The following FYN variants were observed in gnomAD, a reference collection of about 807,000 sequenced individuals.
The protein encoded by FYN is tyrosine-protein kinase Fyn.
FYN carries 10 observed loss-of-function variants against 70.2 expected under a neutral mutation model. That is an observed-to-expected ratio of 0.14 (90% CI 0.09 to 0.24). The LOEUF (loss-of-function observed/expected upper bound fraction) is 0.24, where lower values mean the gene tolerates loss of function less well. Ranked by LOEUF, FYN falls within the 10% of genes least tolerant of loss-of-function variation. The pLI is 1.00. For synonymous variants in FYN, 236 were observed against 248.6 expected (o/e 0.95, Z 0.48); for missense variants, 319 against 673.1 (o/e 0.47, Z 5.82).
chr6:111,708,044 A>G (rs868829419), intron 5 of FYN, 24 bp from the exon 6 acceptor site: 4 of 1,553,334 alleles, frequency 2.6e-6, no homozygotes, highest in Middle Eastern at 3.4e-4. Context: ...AGAAAAGTAA[A>G]TATGTTGACC....
chr6:111,757,397 CTCTAT>C (rs1389353472), intron 3 of FYN, among the ~76,000 whole-genome samples: 2 of 152,176 alleles, frequency 1.3e-5, no homozygotes, highest in Non-Finnish European at 2.9e-5. Flanking sequence ...CAGGATTCCT[CTCTAT>C]TCTATTCCCA....
At chr6:111,738,078 A>G (rs1164023028) in intron 3 of FYN, among the ~76,000 whole-genome samples, 1 of 152,204 alleles carries the variant, frequency 6.6e-6, no homozygotes, top group East Asian at 1.9e-4. Flanking sequence ...ATTCCAACAT[A>G]AAGTGATGCT....
intron 2 of FYN, among the ~76,000 whole-genome samples, chr6:111,818,251 A>G (rs1490771137): frequency 1.3e-5 from 2 of 152,160 alleles, no homozygotes; most frequent in Admixed American, 1.3e-4. Context: ...GAGAAAACAT[A>G]CACATCTACC....
At position 111,694,250 on chromosome 6, in the gene FYN, C is replaced by A; in HGVS notation, c.1273+125G>T. ...TCCTGCCAGATCAAGGTGTCCAAAC[C>A]AAGCTGAAGAATGACATTTCAAGTA... On this transcript the variant is annotated intron_variant, in intron 12 of 13. Transcript: ENST00000354650. The surrounding 1 kb of genome is among the most constrained non-coding windows in gnomAD (Gnocchi z 5.0). 2.3e-6 allele frequency: 3 copies of A among 1,299,600 alleles called. No homozygotes were observed. The highest frequency in any genetic ancestry group is 3.2e-6 in the Non-Finnish European group (3 of 929,984). 80.5% of individuals were successfully genotyped at this position (1,299,600 alleles called of 1,614,324 possible).
At chr6:111,707,583 C>G (rs907133240) in intron 6 of FYN, among the ~76,000 whole-genome samples, 2 of 152,204 alleles carry the variant, frequency 1.3e-5, no homozygotes, top group Admixed American at 1.3e-4. Context: ...AGGGAGTGGA[C>G]TGCGGGCTTA....
intron 13 of FYN, among the ~76,000 whole-genome samples, chr6:111,669,012 A>G (rs983319279): frequency 6.6e-6 from 1 of 152,144 alleles, no homozygotes; most frequent in Non-Finnish European, 1.5e-5. Context: ...TTTAAGGAAA[A>G]AGCCACCAGT....
At chr6:111,821,433 G>T (rs1456441242) in intron 2 of FYN, among the ~76,000 whole-genome samples, 1 of 152,182 alleles carries the variant, frequency 6.6e-6, no homozygotes, top group Non-Finnish European at 1.5e-5. Context: ...CTAGCCATAT[G>T]TAGAGAGCTG....
intron 1 of FYN, among the ~76,000 whole-genome samples, chr6:111,859,892 T>C (rs1393734145): frequency 6.6e-6 from 1 of 152,180 alleles, no homozygotes; most frequent in African/African-American, 2.4e-5. Context: ...GATAAGAATA[T>C]CCCATATTAG....
At chr6:111,796,520 C>G (rs983544356) in intron 2 of FYN, among the ~76,000 whole-genome samples, 3 of 152,278 alleles carry the variant, frequency 2.0e-5, no homozygotes, top group African/African-American at 7.2e-5. Context: ...GACAAAATCA[C>G]CTAATGATGC....
At chr6:111,843,296 A>C (rs1272930165) in intron 2 of FYN, among the ~76,000 whole-genome samples, 1 of 152,194 alleles carries the variant, frequency 6.6e-6, no homozygotes, top group Non-Finnish European at 1.5e-5. Context: ...TAAATCACTA[A>C]ATAGGATGAC....
At chr6:111,743,290 A>T (rs992933092) in intron 3 of FYN, among the ~76,000 whole-genome samples, 3 of 152,074 alleles carry the variant, frequency 2.0e-5, no homozygotes, top group Non-Finnish European at 2.9e-5. Context: ...CGTAGTTTTG[A>T]TCAGAATTCC....
intron 7 of FYN, among the ~76,000 whole-genome samples, chr6:111,703,295 C>T (rs1437098330): frequency 3.9e-5 from 6 of 152,142 alleles, no homozygotes; most frequent in South Asian, 2.1e-4. Flanking sequence ...TTCGGTACCC[C>T]TTGTTGCATA....
At chr6:111,734,576 T>A (rs77921817) in intron 3 of FYN, among the ~76,000 whole-genome samples, 5,288 of 152,202 alleles carry the variant, frequency 0.035, 147 homozygotes, top group East Asian at 0.13. Flanking sequence ...TCCTCCCTCA[T>A]CACAGGGAGG....
intron 7 of FYN, 77 bp from the exon 8 acceptor site, chr6:111,703,111 T>C (rs752902959): frequency 1.9e-4 from 262 of 1,385,380 alleles, no homozygotes; most frequent in Admixed American, 2.6e-4. Flanking sequence ...TTTTCTTGAC[T>C]CTGATTAATA....
intron 3 of FYN, chr6:111,741,180 C>T (rs1254628402): frequency 6.6e-6 from 1 of 151,986 alleles, no homozygotes; most frequent in African/African-American, 2.4e-5. Context: ...TTTCACATCA[C>T]TGTTTTATTT....
At chr6:111,673,622 G>GTTTTTTTTTTGTTTTTTTTTT (rs1798399874) in intron 13 of FYN, among the ~76,000 whole-genome samples, 13 of 116,588 alleles carry the variant, frequency 1.1e-4, no homozygotes, top group African/African-American at 4.1e-4. Flanking sequence ...TTCTATCATT[G>GTTTTTTTTTTGTTTTTTTTTT]TTTTTTTTTT....
chr6:111,685,017 GAAAACAAAAC>G (rs569044412), intron 12 of FYN, among the ~76,000 whole-genome samples: 13 of 152,186 alleles, frequency 8.5e-5, no homozygotes, highest in Admixed American at 6.5e-5. Context: ...TCTGTAAAGA[GAAAACAAAAC>G]AAAACAAAAC....
chr6:111,802,557 C>T (rs1485509450), intron 2 of FYN, among the ~76,000 whole-genome samples: 7 of 152,000 alleles, frequency 4.6e-5, no homozygotes, highest in African/African-American at 1.4e-4. Flanking sequence ...TTCAGCCTCC[C>T]GATAGCTGGG....
chr6:111,765,358 G>A (rs1265563936), intron 3 of FYN, among the ~76,000 whole-genome samples: 3 of 152,156 alleles, frequency 2.0e-5, no homozygotes, highest in African/African-American at 7.2e-5. Flanking sequence ...CTTCTTATAG[G>A]AAGGGGAAGA....
Sources: allele counts gnomAD v4.1 joint callset (sites outside exome capture counted in the v4.1 genomes callset), GRCh38; gene constraint gnomAD v4.1.1; non-coding constraint Gnocchi (gnomAD v3.1); transcripts MANE v1.5; gene names NCBI Gene and HGNC (gene_info 2026-07-23, HGNC 2026-07-21).